The following FLNB variants were observed in gnomAD, a reference collection of about 807,000 sequenced individuals.
FLNB encodes filamin B, also known as filamin-B.
Under a neutral mutation model 250.6 loss-of-function variants are expected in FLNB, and 111 were observed. That is an observed-to-expected ratio of 0.44 (90% CI 0.38 to 0.52). The LOEUF (loss-of-function observed/expected upper bound fraction) is 0.52, where lower values mean the gene tolerates loss of function less well. Ranked by LOEUF, FLNB falls within the 20% of genes least tolerant of loss-of-function variation. FLNB has a pLI of 0.00. For synonymous variants in FLNB, 1,302 were observed against 1,372.1 expected, an observed-to-expected ratio of 0.95 and a Z score of 1.13; for missense variants, 2,869 against 3,447.8, an observed-to-expected ratio of 0.83 and a Z score of 4.20.
At chr3:58,113,215 C>A (rs1018129863) in intron 18 of FLNB, among the ~76,000 whole-genome samples, 1 of 152,190 alleles carries the variant, frequency 6.6e-6, no homozygotes, top group African/African-American at 2.4e-5. Context: ...TGTTTCGCTT[C>A]ATGTTCACAC....
At chr3:58,102,813 T>C (rs759150596) in intron 9 of FLNB, among the ~76,000 whole-genome samples, 7 of 152,240 alleles carry the variant, frequency 4.6e-5, no homozygotes, top group Non-Finnish European at 7.3e-5. Context: ...GATCAGTGCT[T>C]ATAGAAGGAG....
chr3:58,039,786 G>A (rs77976744), intron 1 of FLNB, among the ~76,000 whole-genome samples: 5,823 of 152,190 alleles, frequency 0.038, 341 homozygotes, highest in African/African-American at 0.13. Context: ...ATGGGTGGTG[G>A]GGAGGGTAGC....
chr3:58,126,389 A>G (rs893893690), intron 23 of FLNB, among the ~76,000 whole-genome samples: 6 of 152,092 alleles, frequency 3.9e-5, no homozygotes, highest in African/African-American at 1.5e-4. Context: ...CAGGAAAAAG[A>G]AAAATAAATG....
At chr3:58,106,388 T>C (rs1021589194) in intron 11 of FLNB, among the ~76,000 whole-genome samples, 2 of 128,366 alleles carry the variant, frequency 1.6e-5, no homozygotes, top group Admixed American at 7.9e-5. Flanking sequence ...CCTCCTGGCC[T>C]CAAGTGATCC....
intron 4 of FLNB, among the ~76,000 whole-genome samples, chr3:58,094,085 C>T (rs776635463): frequency 5.3e-5 from 8 of 152,152 alleles, no homozygotes; most frequent in South Asian, 2.1e-4. Context: ...AGCTTTTTAC[C>T]GTGTTACCAC....
At chr3:58,077,519 TC>T (rs1291551420) in intron 2 of FLNB, among the ~76,000 whole-genome samples, 1 of 152,230 alleles carries the variant, frequency 6.6e-6, no homozygotes, top group Non-Finnish European at 1.5e-5. Flanking sequence ...TCAAGTTGAG[TC>T]TTTTATCCAA....
Position 58,149,911 on chromosome 3 carries a change from C to G in FLNB, c.6153C>G (p.Asp2051Glu). 6.2e-7 allele frequency: 1 copy of G among 1,614,226 alleles called. No individual in the cohort carries two copies. Among genetic ancestry groups the G allele is most frequent in the Non-Finnish European group, 8.5e-7 (1 of 1,180,044 alleles). The change falls in exon 37 of 46, where the codon GAC (aspartate) becomes GAG (glutamate). Residue 2051 changes from aspartate to glutamate, a missense_variant. By Grantham distance (45) the Asp-to-Glu change is conservative (BLOSUM62 2). This residue lies in a region of FLNB where 1,084 missense variants were observed against 1,315.5 expected (regional missense o/e 0.82). Transcript: ENST00000295956. The stretch of plus-strand genomic sequence containing the variant: ...GCAAAGTGGACATCCAGACGGAGGA[C>G]CTGGAAGATGGCACCTGCAAAGTCT... ...GPSKVDIQTE[D>E]LEDGTCKVSY... is the part of the protein sequence containing the mutation.
chr3:58,058,619 G>A (rs1259546218), intron 1 of FLNB, among the ~76,000 whole-genome samples: 1 of 152,206 alleles, frequency 6.6e-6, no homozygotes, highest in Non-Finnish European at 1.5e-5. Flanking sequence ...TAAGGATTGT[G>A]CAAAAGGGTG....
At chr3:58,133,821 T>G (rs1394864920) in intron 26 of FLNB, among the ~76,000 whole-genome samples, 1 of 152,238 alleles carries the variant, frequency 6.6e-6, no homozygotes, top group Non-Finnish European at 1.5e-5. Context: ...TGTAGAAATA[T>G]GTAATTTATA....
Position 58,153,417 on chromosome 3 carries a change from C to T in FLNB, c.6410C>T (p.Ser2137Phe), listed in dbSNP as rs764728543. The change falls in exon 39 of 46, where the codon TCT becomes TTT. Residue 2137 changes from serine (S) to phenylalanine (F), a missense_variant. Around this residue, in one of 5 missense-constraint regions of FLNB, gnomAD observed 1,084 missense variants for 1,315.5 expected, o/e 0.82. Coordinates refer to ENST00000295956, the MANE Select transcript of FLNB (RefSeq NM_001457.4). ...SDMSAHVTSP[S>F]GRVTEAEIVP... ...ATGTCGGCCCACGTCACCAGCCCCT[C>T]TGGCCGTGTGACTGAGGCAGAGATT... is the stretch of plus-strand genomic sequence containing the variant. 13 of 1,614,146 alleles carry T rather than the reference C, an allele frequency of 8.1e-6. No individual in the cohort carries two copies. The Admixed American group carries it at 2.2e-4, about 27-fold the overall frequency.
chr3:58,136,472 T>A (rs970373816), intron 28 of FLNB, among the ~76,000 whole-genome samples: 2 of 152,200 alleles, frequency 1.3e-5, no homozygotes, highest in African/African-American at 4.8e-5. Context: ...TTTGAAATGT[T>A]GAGAACCCAA....
At chr3:58,135,866 TC>T in intron 27 of FLNB, 112 bp from the exon 28 acceptor site, 1 of 1,074,014 alleles carries the variant, frequency 9.3e-7, no homozygotes, top group Non-Finnish European at 1.4e-6. Context: ...TATTAAGCCA[TC>T]AATTCTGTCT....
intron 34 of FLNB, among the ~76,000 whole-genome samples, chr3:58,147,627 G>T (rs1166072135): frequency 6.6e-6 from 1 of 152,160 alleles, no homozygotes; most frequent in East Asian, 1.9e-4. Flanking sequence ...ATGCCAGGCA[G>T]GTATGAGGTG....
intron 1 of FLNB, among the ~76,000 whole-genome samples, chr3:58,029,301 T>C (rs887050124): frequency 6.6e-6 from 1 of 152,136 alleles, no homozygotes; most frequent in Admixed American, 6.5e-5. Flanking sequence ...ATTAGCATGT[T>C]CTATACTCTC....
chr3:58,121,169 C>T lies in FLNB; in HGVS notation c.2864-72C>T, dbSNP rs60215678. On this transcript the variant is annotated intron_variant, in intron 19 of 45. Transcript: ENST00000295956. ...AGTCCCCGTGTCCAAAGAACCATTG[C>T]TTCTGTGCTCTGGATTGTTCCTGCT... 5.8e-4 allele frequency: 934 copies of T among 1,598,954 alleles called. 6 individuals carry two copies. In the African/African-American group the frequency reaches 0.011, roughly 19 times the overall value.
chr3:58,136,262 T>C, intron 28 of FLNB, 94 bp downstream of exon 28: 2 of 1,251,190 alleles, frequency 1.6e-6, no homozygotes, highest in Non-Finnish European at 2.3e-6. Context: ...CTACATGATC[T>C]GGGCACGTTG....
At chr3:58,106,508 A>G (rs943896814) in intron 11 of FLNB, among the ~76,000 whole-genome samples, 172 bp from the exon 12 acceptor site, 1 of 151,224 alleles carries the variant, frequency 6.6e-6, no homozygotes, top group African/African-American at 2.4e-5. Context: ...CACCCCTTCC[A>G]TCTCTACTGA....
chr3:58,077,332 T>C, intron 2 of FLNB, 38 bp downstream of exon 2: 1 of 1,607,036 alleles, frequency 6.2e-7, no homozygotes, highest in East Asian at 2.2e-5. Flanking sequence ...CTGTCCAGGA[T>C]GGGGGTGTGT....
chr3:58,074,582 G>A (rs992992899), intron 1 of FLNB, among the ~76,000 whole-genome samples: 8 of 152,332 alleles, frequency 5.3e-5, no homozygotes, highest in Admixed American at 5.2e-4. Context: ...GGTAGTGAAA[G>A]CAATTCTTGA....
Sources: gnomAD v4.1 joint callset for allele counts (sites outside exome capture counted in the v4.1 genomes callset) on GRCh38, gnomAD v4.1.1 for gene constraint, gnomAD v4.1.1 regional missense constraint, MANE v1.5 for transcripts, NCBI Gene and HGNC (gene_info 2026-07-23, HGNC 2026-07-21) for gene names.